The following NELL1 variants were observed in gnomAD, a reference collection of about 807,000 sequenced individuals.
NELL1 encodes neural EGFL like 1, also known as protein kinase C-binding protein NELL1.
Under a neutral mutation model 107.4 loss-of-function variants are expected in NELL1, and 76 were observed. That is an observed-to-expected ratio of 0.71 (90% CI 0.59 to 0.86). The LOEUF (loss-of-function observed/expected upper bound fraction) is 0.86. Among genes scored for constraint, NELL1 ranks in the 40% least tolerant of loss-of-function variants. NELL1 has a pLI of 0.00. For synonymous variants in NELL1, 353 were observed against 341.2 expected, an observed-to-expected ratio of 1.03 and a Z score of -0.38; for missense variants, 1,024 against 1,005.5, an observed-to-expected ratio of 1.02 and a Z score of -0.25.
intron 2 of NELL1, among the ~76,000 whole-genome samples, chr11:20,740,156 C>T (rs1394048919): frequency 1.3e-5 from 2 of 152,130 alleles, no homozygotes; most frequent in Non-Finnish European, 2.9e-5. Context: ...ATGCTTATAA[C>T]AACCCCCTGA....
chr11:21,236,140 A>G (rs1041131619), intron 14 of NELL1, among the ~76,000 whole-genome samples: 7 of 152,164 alleles, frequency 4.6e-5, no homozygotes, highest in South Asian at 2.1e-4. Flanking sequence ...TCTTCTTCCA[A>G]CTGAAATCCT....
At chr11:21,477,849 A>G (rs973382777) in intron 15 of NELL1, among the ~76,000 whole-genome samples, 2 of 148,920 alleles carry the variant, frequency 1.3e-5, no homozygotes, top group African/African-American at 2.4e-5. Context: ...AATAAAAATT[A>G]TAATAAAGTT....
intron 15 of NELL1, among the ~76,000 whole-genome samples, chr11:21,395,925 A>T (rs534608727): frequency 1.7e-4 from 26 of 151,676 alleles, no homozygotes; most frequent in African/African-American, 6.0e-4. Context: ...ACAAAAAAAG[A>T]TCAACATTAG....
At chr11:20,996,147 G>A (rs2134265439) in intron 12 of NELL1, among the ~76,000 whole-genome samples, 1 of 152,240 alleles carries the variant, frequency 6.6e-6, no homozygotes, top group Non-Finnish European at 1.5e-5. Context: ...TGTGATTATA[G>A]GTCCTTGGAT....
chr11:21,020,138 A>G (rs1460660982), intron 12 of NELL1, among the ~76,000 whole-genome samples: 2 of 152,138 alleles, frequency 1.3e-5, no homozygotes, highest in African/African-American at 4.8e-5. Flanking sequence ...ACAAATAAAA[A>G]TACTATATGC....
intron 3 of NELL1, among the ~76,000 whole-genome samples, chr11:20,797,896 A>G (rs1262552517): frequency 6.6e-6 from 1 of 152,196 alleles, no homozygotes; most frequent in Non-Finnish European, 1.5e-5. Flanking sequence ...TTTCAGTTGA[A>G]TAAATTACCA....
intron 13 of NELL1, among the ~76,000 whole-genome samples, chr11:21,139,711 A>G (rs1335431899): frequency 6.6e-6 from 1 of 152,182 alleles, no homozygotes; most frequent in African/African-American, 2.4e-5. Context: ...ATGACCAGCA[A>G]ATATTCAATG....
At chr11:20,968,123 A>G (rs1047476405) in intron 12 of NELL1, among the ~76,000 whole-genome samples, 1 of 152,204 alleles carries the variant, frequency 6.6e-6, no homozygotes, top group Non-Finnish European at 1.5e-5. Context: ...CTCTGCTGCT[A>G]TCATCAGTTA....
At chr11:21,416,830 C>T (rs951477979) in intron 15 of NELL1, among the ~76,000 whole-genome samples, 4 of 152,016 alleles carry the variant, frequency 2.6e-5, no homozygotes, top group Non-Finnish European at 5.9e-5. Flanking sequence ...ATTCTAGGTC[C>T]TTTGTTTTCC....
chr11:20,709,442 G>A (rs1176602005), intron 2 of NELL1, among the ~76,000 whole-genome samples: 1 of 152,094 alleles, frequency 6.6e-6, no homozygotes, highest in Non-Finnish European at 1.5e-5. Flanking sequence ...GTTAACTATA[G>A]CCTTGTAGTA....
In NELL1 at chr11:21,320,261, A is replaced by C. The variant is rs113733864; in HGVS notation, c.1550-50592A>C. On this transcript the variant is annotated intron_variant, in intron 14 of 19. Coordinates refer to ENST00000357134, the MANE Select transcript of NELL1 (RefSeq NM_006157.5). ...TGTGTCACTGTGTATTGTTTATAAT[A>C]ATAATAATTATTTTTGTTTTTCCTC... Among the ~76,000 whole-genome samples the C allele has an allele frequency of 2.6e-3, 389 of 152,282 alleles. 2 individuals carry two copies. The highest frequency in any genetic ancestry group is 4.4e-3 in the Non-Finnish European group (296 of 68,024).
chr11:21,455,919 C>T (rs746962610), intron 15 of NELL1, among the ~76,000 whole-genome samples: 12 of 149,898 alleles, frequency 8.0e-5, no homozygotes, highest in African/African-American at 1.7e-4. Context: ...GGTGGAGTCT[C>T]GCTTTGTCGC....
chr11:21,282,263 C>G (rs1261855604), intron 14 of NELL1, among the ~76,000 whole-genome samples: 1 of 152,110 alleles, frequency 6.6e-6, no homozygotes, highest in East Asian at 1.9e-4. Flanking sequence ...CATCACTGAT[C>G]ATCAGAGAAA....
intron 1 of NELL1, among the ~76,000 whole-genome samples, chr11:20,676,138 C>T (rs1854049952): frequency 6.6e-6 from 1 of 152,054 alleles, no homozygotes. Flanking sequence ...CAGTTTGTTC[C>T]TCGTTTGCAT....
At chr11:20,854,542 C>T (rs1364184967) in intron 4 of NELL1, among the ~76,000 whole-genome samples, 1 of 152,186 alleles carries the variant, frequency 6.6e-6, no homozygotes, top group Non-Finnish European at 1.5e-5. Flanking sequence ...GAGCAAAGAC[C>T]AAAGCCCACT....
chr11:21,159,784 G>A (rs1376309443), intron 13 of NELL1, among the ~76,000 whole-genome samples: 2 of 152,218 alleles, frequency 1.3e-5, no homozygotes, highest in Admixed American at 6.5e-5. Context: ...CTGACCGGTT[G>A]AAACACAAAA....
At chr11:21,317,589 C>T (rs1345432088) in intron 14 of NELL1, among the ~76,000 whole-genome samples, 1 of 151,768 alleles carries the variant, frequency 6.6e-6, no homozygotes, top group Non-Finnish European at 1.5e-5. Flanking sequence ...CTCAGGACAG[C>T]GCAGACCCTT....
chr11:21,393,377 A>G (rs1851920090), intron 15 of NELL1, among the ~76,000 whole-genome samples: 1 of 151,724 alleles, frequency 6.6e-6, no homozygotes, highest in South Asian at 2.1e-4. Context: ...TAAATTTGGG[A>G]AGGGTAATTA....
At chr11:21,187,502 A>G (rs1302911076) in intron 13 of NELL1, among the ~76,000 whole-genome samples, 1 of 151,804 alleles carries the variant, frequency 6.6e-6, no homozygotes, top group Middle Eastern at 3.2e-3. Context: ...ATTCTCAAAG[A>G]CCACATTGAC....
Sources: gnomAD v4.1 joint callset for allele counts (sites outside exome capture counted in the v4.1 genomes callset) on GRCh38, gnomAD v4.1.1 for gene constraint, MANE v1.5 for transcripts, NCBI Gene and HGNC (gene_info 2026-07-23, HGNC 2026-07-21) for gene names.